The following GNAQ variants were observed in gnomAD, a reference collection of about 807,000 sequenced individuals.
GNAQ encodes G protein subunit alpha q, also known as guanine nucleotide-binding protein G(q) subunit alpha.
Under a neutral mutation model 43.9 loss-of-function variants are expected in GNAQ, and 8 were observed. That is an observed-to-expected ratio of 0.18 (90% confidence interval 0.11 to 0.33). The LOEUF (loss-of-function observed/expected upper bound fraction) is 0.33, where lower values mean the gene tolerates loss of function less well. GNAQ is among the 10% of genes least tolerant of loss of function. GNAQ has a pLI of 1.00. For missense variants in GNAQ, 158 were observed against 450.8 expected, an observed-to-expected ratio of 0.35 and a Z score of 5.88; for synonymous variants, 155 against 170.7, an observed-to-expected ratio of 0.91 and a Z score of 0.71.
intron 1 of GNAQ, among the ~76,000 whole-genome samples, chr9:78,025,585 T>C (rs1433445224): frequency 2.0e-5 from 3 of 152,156 alleles, no homozygotes; most frequent in Non-Finnish European, 4.4e-5. Flanking sequence ...AAATTTGACT[T>C]TAAAATTTGT....
chr9:77,910,121 C>G (rs1478470117), intron 2 of GNAQ, among the ~76,000 whole-genome samples: 5 of 152,096 alleles, frequency 3.3e-5, no homozygotes, highest in Admixed American at 6.6e-5. Context: ...TTGATACATG[C>G]TATTAAAATG....
At chr9:77,878,224 T>C (rs1014189412) in intron 2 of GNAQ, among the ~76,000 whole-genome samples, 6 of 146,830 alleles carry the variant, frequency 4.1e-5, no homozygotes, top group Non-Finnish European at 7.4e-5. Flanking sequence ...AGGTATTTGG[T>C]GTTTTTTTTT....
chr9:77,742,170 G>A (rs1825662705), intron 5 of GNAQ, among the ~76,000 whole-genome samples: 1 of 152,042 alleles, frequency 6.6e-6, no homozygotes, highest in Admixed American at 6.6e-5. Flanking sequence ...AATACATGTG[G>A]GTTTACTGAA....
At chr9:77,757,269 T>C (rs1424144979) in intron 5 of GNAQ, among the ~76,000 whole-genome samples, 1 of 152,220 alleles carries the variant, frequency 6.6e-6, no homozygotes, top group African/African-American at 2.4e-5. Context: ...CCCAACTTTT[T>C]TTCTAAATCG....
rs1409381208 is a variant in GNAQ, at chr9:77,719,629, T to C, written c.*1694A>G. The C allele has an allele frequency of 8.6e-6, 2 of 232,716 alleles. No homozygotes were observed. Among genetic ancestry groups the C allele is most frequent in the Non-Finnish European group, 8.5e-6 (1 of 117,784 alleles). 14.4% of individuals were successfully genotyped at this position (232,716 alleles called of 1,614,324 possible). Reference sequence around the variant, plus strand: ...CACTGTAGTTAAAATGAGACCAGTATCATGGCCTAATTCTAACGTCCCAGC... The same window carrying C: ...CACTGTAGTTAAAATGAGACCAGTACCATGGCCTAATTCTAACGTCCCAGC... On this transcript the variant is annotated 3_prime_UTR_variant, in exon 7 of 7. Coordinates refer to ENST00000286548, the MANE Select transcript of GNAQ (RefSeq NM_002072.5).
chr9:77,984,694 GA>G (rs1823411808), intron 1 of GNAQ, among the ~76,000 whole-genome samples: 1 of 152,112 alleles, frequency 6.6e-6, no homozygotes, highest in Non-Finnish European at 1.5e-5. Context: ...GCAGTTTTAA[GA>G]GAAGTATACC....
intron 2 of GNAQ, among the ~76,000 whole-genome samples, chr9:77,830,611 TTTG>T (rs1451314541): frequency 6.6e-6 from 1 of 152,244 alleles, no homozygotes; most frequent in Admixed American, 6.5e-5. Context: ...GCTGACCTTT[TTTG>T]TTGTTGTCAT....
intron 3 of GNAQ, among the ~76,000 whole-genome samples, chr9:77,813,788 A>G (rs1826966597): frequency 6.6e-6 from 1 of 152,216 alleles, no homozygotes; most frequent in South Asian, 2.1e-4. Flanking sequence ...TGACAGGTAA[A>G]GAGTAGACCA....
chr9:77,986,307 A>G (rs1823435115), intron 1 of GNAQ, among the ~76,000 whole-genome samples: 1 of 152,310 alleles, frequency 6.6e-6, no homozygotes, highest in Admixed American at 6.5e-5. Context: ...TGAGCTTCAC[A>G]GTATTGTGCA....
chr9:77,726,557 T>C (rs1020490420), intron 6 of GNAQ, among the ~76,000 whole-genome samples: 17 of 152,242 alleles, frequency 1.1e-4, no homozygotes, highest in African/African-American at 4.1e-4. Context: ...AAGCTAAATT[T>C]AATCTTGGTT....
chr9:77,892,726 T>A (rs1334334783), intron 2 of GNAQ, among the ~76,000 whole-genome samples: 1 of 152,180 alleles, frequency 6.6e-6, no homozygotes, highest in Non-Finnish European at 1.5e-5. Flanking sequence ...TCATTCTCAC[T>A]TGAAAAAAGC....
At chr9:77,931,502 G>A (rs903952487) in intron 1 of GNAQ, among the ~76,000 whole-genome samples, 5 of 151,772 alleles carry the variant, frequency 3.3e-5, no homozygotes, top group African/African-American at 1.2e-4. Context: ...GAGGCAGGAG[G>A]ATGGCGTGAG....
intron 2 of GNAQ, among the ~76,000 whole-genome samples, chr9:77,866,166 G>A (rs1410062673): frequency 6.6e-6 from 1 of 152,200 alleles, no homozygotes; most frequent in Non-Finnish European, 1.5e-5. Flanking sequence ...GAATAAAGTT[G>A]GGCAGTGATT....
chr9:77,943,366 T>A (rs1016474601), intron 1 of GNAQ, among the ~76,000 whole-genome samples: 1 of 152,220 alleles, frequency 6.6e-6, no homozygotes, highest in Non-Finnish European at 1.5e-5. Context: ...AGGAAAAATA[T>A]GTTGTAACAG....
intron 2 of GNAQ, among the ~76,000 whole-genome samples, chr9:77,888,422 T>C (rs993807193): frequency 6.6e-6 from 1 of 152,160 alleles, no homozygotes; most frequent in Non-Finnish European, 1.5e-5. Context: ...AACATCTAAA[T>C]AGGAAAGTAT....
intron 1 of GNAQ, among the ~76,000 whole-genome samples, chr9:77,946,656 CCTT>C (rs1347765780): frequency 6.6e-6 from 1 of 151,958 alleles, no homozygotes; most frequent in African/African-American, 2.4e-5. Context: ...TAAAATGAAA[CCTT>C]CTCTGTATTG....
At chr9:78,017,633 T>C (rs573825710) in intron 1 of GNAQ, among the ~76,000 whole-genome samples, 1 of 152,360 alleles carries the variant, frequency 6.6e-6, no homozygotes, top group Non-Finnish European at 1.5e-5. Flanking sequence ...AAGCAGATCA[T>C]GATTTTTATT....
At chr9:78,030,898 T>TGC (rs1379022265) in intron 1 of GNAQ, among the ~76,000 whole-genome samples, 1 of 149,924 alleles carries the variant, frequency 6.7e-6, no homozygotes, top group African/African-American at 2.5e-5. Context: ...TGTGTGTGTG[T>TGC]GTGTGTGTGT....
chr9:77,721,043 A>G lies in GNAQ; in HGVS notation c.*280T>C, dbSNP rs1825302459. 9.2e-6 allele frequency: 3 copies of G among 326,572 alleles called. No homozygotes were observed. Among genetic ancestry groups the G allele is most frequent in the Non-Finnish European group, 1.7e-5 (3 of 179,864 alleles). 20.2% of individuals were successfully genotyped at this position (326,572 alleles called of 1,614,324 possible). Reference sequence around the variant, plus strand: ...AAACAAGTCTTATCTTTGTGAGTGCATGACTGAGAATTTAAAATACACTGA... The same window carrying G: ...AAACAAGTCTTATCTTTGTGAGTGCGTGACTGAGAATTTAAAATACACTGA... On this transcript the variant is annotated 3_prime_UTR_variant, in exon 7 of 7. Coordinates refer to ENST00000286548, the MANE Select transcript of GNAQ (RefSeq NM_002072.5).
Sources: allele counts gnomAD v4.1 joint callset (sites outside exome capture counted in the v4.1 genomes callset), GRCh38; gene constraint gnomAD v4.1.1; transcripts MANE v1.5; gene names NCBI Gene and HGNC (gene_info 2026-07-23, HGNC 2026-07-21).